The following NAALADL2 variants were observed in gnomAD, a reference collection of about 807,000 sequenced individuals.
NAALADL2 encodes the protein inactive N-acetylated-alpha-linked acidic dipeptidase-like protein 2.
A neutral mutation model predicts 87.2 loss-of-function variants in NAALADL2; 76 were observed. That is an observed-to-expected ratio of 0.87 (90% CI 0.72 to 1.05). NAALADL2 has a LOEUF of 1.05. Among genes scored for constraint, NAALADL2 ranks in the 50% least tolerant of loss-of-function variants. NAALADL2 has a pLI of 0.00. For missense variants in NAALADL2, 1,089 were observed against 945.8 expected (o/e 1.15, Z -1.99); for synonymous variants, 354 against 331.0 (o/e 1.07, Z -0.75).
At chr3:175,504,712 C>A (rs1730057723) in intron 9 of NAALADL2, among the ~76,000 whole-genome samples, 1 of 151,856 alleles carries the variant, frequency 6.6e-6, no homozygotes, top group African/African-American at 2.4e-5. Context: ...GTTGTTTAAT[C>A]TACTCAGTTT....
chr3:175,471,735 T>C lies in NAALADL2; in HGVS notation c.1630T>C (p.Ser544Pro). ...TAGTCTGTATCCTGTAGCATCACCA[T>C]CTCTTCAGCAACTGGTAGTAGAGGT... ...NSSLYPVASPSLQQLVVEKNN... is the reference protein window; with the variant it reads ...NSSLYPVASPPLQQLVVEKNN... Residue 544 changes from serine to proline, a missense_variant, in exon 9 of 14, where the codon TCT becomes CCT. Coordinates refer to ENST00000454872, the MANE Select transcript of NAALADL2 (RefSeq NM_207015.3). 2 of 1,608,666 alleles carry C rather than the reference T, an allele frequency of 1.2e-6. No homozygotes were observed. Among genetic ancestry groups the C allele is most frequent in the Non-Finnish European group, 1.7e-6 (2 of 1,177,538 alleles).
intron 1 of NAALADL2, among the ~76,000 whole-genome samples, chr3:174,472,964 A>T (rs1365743302): frequency 6.6e-6 from 1 of 152,136 alleles, no homozygotes; most frequent in Non-Finnish European, 1.5e-5. Context: ...ATTATCCTAT[A>T]ATTTTCTATA....
chr3:174,948,207 T>C (rs1464892081), intron 1 of NAALADL2, among the ~76,000 whole-genome samples: 1 of 150,844 alleles, frequency 6.6e-6, no homozygotes, highest in Non-Finnish European at 1.5e-5. Context: ...GATGGAGTCT[T>C]GCTCTGTCGC....
At chr3:175,368,317 C>G (rs1020888741) in intron 5 of NAALADL2, among the ~76,000 whole-genome samples, 6 of 151,992 alleles carry the variant, frequency 3.9e-5, no homozygotes, top group Non-Finnish European at 7.4e-5. Context: ...CTAAAATTCT[C>G]TTTTTTGGTT....
chr3:175,384,396 C>T (rs1318032844), intron 5 of NAALADL2, among the ~76,000 whole-genome samples: 1 of 152,016 alleles, frequency 6.6e-6, no homozygotes, highest in Non-Finnish European at 1.5e-5. Flanking sequence ...AAAATTTGAA[C>T]AGTGCACACA....
At chr3:174,536,276 G>A (rs1721713650) in intron 1 of NAALADL2, among the ~76,000 whole-genome samples, 2 of 151,986 alleles carry the variant, frequency 1.3e-5, no homozygotes, top group Admixed American at 6.6e-5. Flanking sequence ...AAGATAAGGG[G>A]AAAATAAACT....
chr3:175,723,674 T>A (rs909796708), intron 11 of NAALADL2, among the ~76,000 whole-genome samples: 2 of 152,118 alleles, frequency 1.3e-5, no homozygotes, highest in Non-Finnish European at 2.9e-5. Flanking sequence ...AAATAGAATA[T>A]CTTTCTCCTT....
intron 4 of NAALADL2, among the ~76,000 whole-genome samples, chr3:175,272,096 G>T (rs947810302): frequency 6.6e-6 from 1 of 152,126 alleles, no homozygotes; most frequent in Non-Finnish European, 1.5e-5. Flanking sequence ...AAGAAGCCCA[G>T]AACGTTACCA....
At chr3:175,674,539 C>G (rs1403868447) in intron 11 of NAALADL2, among the ~76,000 whole-genome samples, 1 of 152,090 alleles carries the variant, frequency 6.6e-6, no homozygotes, top group African/African-American at 2.4e-5. Context: ...GCTGGGATTA[C>G]AGGCCTGAGC....
chr3:175,353,278 C>T (rs188650886), intron 5 of NAALADL2, among the ~76,000 whole-genome samples: 36 of 151,986 alleles, frequency 2.4e-4, no homozygotes, highest in Non-Finnish European at 4.3e-4. Context: ...AGGTTGAGGT[C>T]GGAGGATCTC....
At chr3:175,203,440 G>A (rs898067168) in intron 2 of NAALADL2, among the ~76,000 whole-genome samples, 2 of 152,180 alleles carry the variant, frequency 1.3e-5, no homozygotes, top group African/African-American at 4.8e-5. Flanking sequence ...GTATTTGGAA[G>A]AGGAAGCTCT....
intron 3 of NAALADL2, among the ~76,000 whole-genome samples, chr3:174,853,408 C>T (rs1461238605): frequency 6.7e-6 from 1 of 149,752 alleles, no homozygotes; most frequent in Non-Finnish European, 1.5e-5. Context: ...AGATTTACAC[C>T]TAAGACCTTA....
At chr3:174,876,512 A>G (rs776579238) in intron 1 of NAALADL2, among the ~76,000 whole-genome samples, 1 of 152,206 alleles carries the variant, frequency 6.6e-6, no homozygotes, top group Non-Finnish European at 1.5e-5. Context: ...CATAGGTAGG[A>G]GATACAGTTT....
intron 2 of NAALADL2, among the ~76,000 whole-genome samples, chr3:174,644,174 G>A (rs904261114): frequency 6.6e-6 from 1 of 152,192 alleles, no homozygotes; most frequent in African/African-American, 2.4e-5. Flanking sequence ...CAAAGATAAA[G>A]GATGCAAGAT....
chr3:175,125,839 T>A (rs749647370), intron 2 of NAALADL2, among the ~76,000 whole-genome samples: 4 of 151,992 alleles, frequency 2.6e-5, no homozygotes, highest in Non-Finnish European at 5.9e-5. Context: ...GTGAGACTAG[T>A]GGAGATTACC....
At chr3:175,467,266 G>C in intron 8 of NAALADL2, 82 bp downstream of exon 8, 1 of 1,121,002 alleles carries the variant, frequency 8.9e-7, no homozygotes, top group Non-Finnish European at 1.3e-6. Flanking sequence ...TCAAAGCCAA[G>C]GGCAATAATG....
intron 1 of NAALADL2, among the ~76,000 whole-genome samples, chr3:175,004,228 G>GTAAA (rs112407111): frequency 1.1e-3 from 164 of 151,948 alleles, no homozygotes; most frequent in African/African-American, 3.1e-3. Flanking sequence ...AAGTAAGTAA[G>GTAAA]TAAATAAATA....
At chr3:175,517,481 A>G (rs1732012694) in intron 9 of NAALADL2, among the ~76,000 whole-genome samples, 1 of 152,188 alleles carries the variant, frequency 6.6e-6, no homozygotes, top group African/African-American at 2.4e-5. Context: ...TTTTTGACAC[A>G]TATCAATGCA....
intron 2 of NAALADL2, among the ~76,000 whole-genome samples, chr3:174,686,176 C>T (rs534938426): frequency 4.6e-5 from 7 of 152,016 alleles, no homozygotes; most frequent in African/African-American, 1.2e-4. Context: ...TTCCTTTGGG[C>T]GTATACCCTT....
Sources: gnomAD v4.1 joint callset for allele counts (sites outside exome capture counted in the v4.1 genomes callset) on GRCh38, gnomAD v4.1.1 for gene constraint, MANE v1.5 for transcripts, NCBI Gene and HGNC (gene_info 2026-07-23, HGNC 2026-07-21) for gene names.